The following LACTB2 variants were observed in gnomAD, a reference collection of about 807,000 sequenced individuals.
LACTB2 encodes endoribonuclease LACTB2.
LACTB2 carries 32 observed loss-of-function variants against 34.8 expected under a neutral mutation model. The observed-to-expected ratio is 0.92, with a 90% CI of 0.69 to 1.24. LACTB2 has a LOEUF of 1.24. Among genes scored for constraint, LACTB2 ranks in the 50% most tolerant of loss-of-function variants. The pLI, the probability that LACTB2 is intolerant of heterozygous loss-of-function variation, is 0.00. For synonymous variants in LACTB2, 120 were observed against 117.5 expected (o/e 1.02, Z -0.14); for missense variants, 320 against 345.0 (o/e 0.93, Z 0.57).
intron 1 of LACTB2, chr8:70,663,172 A>G (rs1356149944): frequency 1.3e-5 from 2 of 152,224 alleles, no homozygotes. Context: ...GGACACAACA[A>G]CCCTGCTTAC....
chr8:70,667,770 G>A (rs114004166), intron 1 of LACTB2, among the ~76,000 whole-genome samples: 1,797 of 152,320 alleles, frequency 0.012, 34 homozygotes, highest in African/African-American at 0.039. Flanking sequence ...GGCAGGTTGT[G>A]CTGAACTTAC....
chr8:70,660,196 G>A (rs760973978), intron 2 of LACTB2: 15 of 163,802 alleles, frequency 9.2e-5, no homozygotes, highest in Admixed American at 4.9e-4. Flanking sequence ...TCAAACTATC[G>A]TCCTGCCTCA....
chr8:70,663,609 AT>A (rs375279869), intron 1 of LACTB2, among the ~76,000 whole-genome samples: 48,341 of 151,600 alleles, frequency 0.32, 9,025 homozygotes, highest in Non-Finnish European at 0.43. Context: ...CCACCAGGAT[AT>A]TTGTTAAACA....
chr8:70,649,595 G>A (rs1222009605), intron 3 of LACTB2, among the ~76,000 whole-genome samples: 1 of 152,188 alleles, frequency 6.6e-6, no homozygotes, highest in Non-Finnish European at 1.5e-5. Context: ...ATGACATTGA[G>A]AGGTTAGAGG....
intron 4 of LACTB2, 21 bp from the exon 5 acceptor site, chr8:70,641,071 G>A: frequency 6.4e-7 from 1 of 1,564,688 alleles, no homozygotes. Flanking sequence ...ATAATTATAA[G>A]AGTTACTTCA....
intron 4 of LACTB2, among the ~76,000 whole-genome samples, chr8:70,642,354 C>T (rs574150480): frequency 6.6e-6 from 1 of 152,286 alleles, no homozygotes; most frequent in Admixed American, 6.5e-5. Flanking sequence ...GCAGTAGGAA[C>T]TCATCGCAGA....
Position 70,637,772 on chromosome 8 carries a change from T to C in LACTB2, c.*88A>G, listed in dbSNP as rs1818141605. The C allele has an allele frequency of 1.4e-6, 1 of 728,698 alleles. No individual in the cohort carries two copies. Among genetic ancestry groups the C allele is most frequent in the Admixed American group, 3.4e-5 (1 of 29,614 alleles). The allele number at this position is 728,698 out of a possible 1,614,324, so 45.1% of individuals were successfully genotyped here. Reference sequence around the variant, plus strand: ...TAGGGTTATTTTTAATGTTTTATACTTTTATATTCTCTATAAAATAACCTA... The same window carrying C: ...TAGGGTTATTTTTAATGTTTTATACCTTTATATTCTCTATAAAATAACCTA... On this transcript the variant is annotated 3_prime_UTR_variant, in exon 7 of 7. Transcript: ENST00000276590.
At position 70,644,136 on chromosome 8, in the gene LACTB2, A is replaced by G. The variant is rs1402382530; in HGVS notation, c.521T>C (p.Phe174Ser). The G allele has an allele frequency of 3.7e-6, 6 of 1,612,736 alleles. No individual in the cohort carries two copies. Among genetic ancestry groups the G allele is most frequent in the Admixed American group, 1.7e-5 (1 of 59,940 alleles). ...GTTCATATAATCATAGAGGTCTTCAAATACCGTTGTTCCTTCCCCTAGGAT... is the reference window on the plus strand; with the variant it reads ...GTTCATATAATCATAGAGGTCTTCAGATACCGTTGTTCCTTCCCCTAGGAT... Reference protein sequence around the residue: ...DCILGEGTTVFEDLYDYMNSL... With the variant: ...DCILGEGTTVSEDLYDYMNSL... The change falls in exon 4 of 7, where the codon TTT becomes TCT. Residue 174 changes from phenylalanine to serine, a missense_variant. Coordinates refer to ENST00000276590, the MANE Select transcript of LACTB2 (RefSeq NM_016027.3).
chr8:70,661,947 T>G (rs1818485469), intron 1 of LACTB2, 50 bp from the exon 2 acceptor site: 1 of 1,442,342 alleles, frequency 6.9e-7, no homozygotes, highest in Non-Finnish European at 9.3e-7. Context: ...TGCGTTGACA[T>G]TAGCATTATT....
chr8:70,660,723 C>T (rs767372596), intron 2 of LACTB2: 42 of 456,206 alleles, frequency 9.2e-5, no homozygotes, highest in Non-Finnish European at 1.5e-4. Context: ...CTCCACTTTA[C>T]GCTCTCTTCC....
At chr8:70,639,021 A>G (rs1216474091) in intron 5 of LACTB2, among the ~76,000 whole-genome samples, 1 of 151,984 alleles carries the variant, frequency 6.6e-6, no homozygotes, top group Non-Finnish European at 1.5e-5. Context: ...TACAGACGTG[A>G]GCCACTGCGC....
intron 1 of LACTB2, among the ~76,000 whole-genome samples, chr8:70,667,413 T>C (rs532834934): frequency 1.3e-5 from 2 of 152,342 alleles, no homozygotes; most frequent in East Asian, 3.9e-4. Flanking sequence ...TTTTACTTTA[T>C]ACAGTAGCAT....
chr8:70,642,920 T>G (rs1422742695), intron 4 of LACTB2, among the ~76,000 whole-genome samples: 1 of 152,188 alleles, frequency 6.6e-6, no homozygotes, highest in Non-Finnish European at 1.5e-5. Context: ...GCTATTGGTA[T>G]TTCAATATTG....
intron 3 of LACTB2, among the ~76,000 whole-genome samples, chr8:70,656,841 C>T (rs960478886): frequency 6.6e-6 from 1 of 152,028 alleles, no homozygotes; most frequent in African/African-American, 2.4e-5. Context: ...TTGTTTGTGT[C>T]AGCTGACAAA....
chr8:70,668,625 A>T lies in LACTB2; in HGVS notation c.122+374T>A, dbSNP rs535686335. 1.8e-3 allele frequency among the ~76,000 whole-genome samples: 270 copies of T among 152,368 alleles called. 3 individuals carry two copies. Among genetic ancestry groups the T allele is most frequent in the Middle Eastern group, 3.4e-3 (1 of 292 alleles). ...TTACACTCTGGGCAAAACACCAGTGAAAGTCAAGTGAGCAAAGTAAACGCT... is the reference window on the plus strand; with the variant it reads ...TTACACTCTGGGCAAAACACCAGTGTAAGTCAAGTGAGCAAAGTAAACGCT... On this transcript the variant is annotated intron_variant, in intron 1 of 6. Coordinates refer to ENST00000276590, the MANE Select transcript of LACTB2 (RefSeq NM_016027.3).
intron 3 of LACTB2, among the ~76,000 whole-genome samples, chr8:70,656,561 C>A (rs1818414191): frequency 6.6e-6 from 1 of 152,050 alleles, no homozygotes; most frequent in African/African-American, 2.4e-5. Flanking sequence ...TATATTGGTA[C>A]CATGCTGTTT....
chr8:70,660,874 C>T, intron 2 of LACTB2: 1 of 456,168 alleles, frequency 2.2e-6, no homozygotes, highest in Non-Finnish European at 4.4e-6. Flanking sequence ...GCTTCCCTGG[C>T]TCAAGCCATC....
Position 70,661,753 on chromosome 8 carries a change from A to T in LACTB2, c.267T>A (p.Ile89=). ...HRDHSGGIGD[I]CKSINNDTTY... is the part of the protein sequence containing the mutation. ...GTTTACCATTATTGATGCTTTTACA[A>T]ATATCTCCTATGCCTCCAGAATGAT... The change falls in exon 2 of 7, where the codon ATT becomes ATA. Residue 89 remains isoleucine (I), a synonymous_variant. Coordinates refer to ENST00000276590, the MANE Select transcript of LACTB2 (RefSeq NM_016027.3). The T allele has an allele frequency of 6.2e-7, 1 of 1,609,358 alleles. No homozygotes were observed. The highest frequency in any genetic ancestry group is 8.5e-7 in the Non-Finnish European group (1 of 1,178,894).
chr8:70,663,340 C>T (rs538211501), intron 1 of LACTB2: 1 of 152,200 alleles, frequency 6.6e-6, no homozygotes, highest in African/African-American at 2.4e-5. Context: ...CTCCCTGAGA[C>T]CCAGAGCCAA....
Sources: allele counts gnomAD v4.1 joint callset (sites outside exome capture counted in the v4.1 genomes callset), GRCh38; gene constraint gnomAD v4.1.1; transcripts MANE v1.5; gene names NCBI Gene and HGNC (gene_info 2026-07-23, HGNC 2026-07-21).